RNASEH2B: variants seen among roughly 807,000 people sequenced by gnomAD.
RNASEH2B encodes the protein Aicardi-Goutieres syndrome 2 protein.
RNASEH2B carries 36 observed loss-of-function variants against 45.0 expected under a neutral mutation model. The observed-to-expected ratio is 0.80, with a 90% confidence interval of 0.61 to 1.06. The LOEUF is 1.06. Ranked by LOEUF, RNASEH2B falls within the 50% of genes least tolerant of loss-of-function variation. The probability of loss-of-function intolerance (pLI) is 0.00; values close to 1 mark genes in which losing one functional copy is unlikely to be tolerated. For missense variants in RNASEH2B, 361 were observed against 360.3 expected, an observed-to-expected ratio of 1.00 and a Z score of -0.02; for synonymous variants, 119 against 125.7, an observed-to-expected ratio of 0.95 and a Z score of 0.35.
intron 9 of RNASEH2B, chr13:50,950,650 C>T (rs1951965256): frequency 2.0e-5 from 3 of 152,130 alleles, no homozygotes; most frequent in African/African-American, 7.2e-5. Flanking sequence ...CAGCGTGCTT[C>T]TTATTTTTCT....
intron 1 of RNASEH2B, chr13:50,915,194 C>G (rs1223801614): frequency 5.2e-6 from 2 of 381,460 alleles, no homozygotes; most frequent in East Asian, 7.5e-5. Context: ...GTCTCACATT[C>G]CATTTCTTCC....
intron 1 of RNASEH2B, among the ~76,000 whole-genome samples, chr13:50,913,750 G>T (rs1339261855): frequency 6.6e-6 from 1 of 152,194 alleles, no homozygotes; most frequent in Non-Finnish European, 1.5e-5. Flanking sequence ...CAGTTTCATG[G>T]AGGTAGAGGA....
chr13:50,968,932 G>A (rs1952191757), intron 9 of RNASEH2B, among the ~76,000 whole-genome samples: 1 of 152,164 alleles, frequency 6.6e-6, no homozygotes, highest in Admixed American at 6.5e-5. Flanking sequence ...TAAAATAATT[G>A]TTACTTTACA....
rs1566087131 is a variant in RNASEH2B, at chr13:50,945,440, T to C, written c.524T>C (p.Val175Ala). ...KWLEKKVNQT[V>A]AALKTNNVNV... ...GTTGCTTCATAGGTTAATCAAACTG[T>C]GGCAGCATTAAAAACCAATAATGTG... Residue 175 changes from valine to alanine, a missense_variant, in exon 7 of 11, where the codon GTG becomes GCG. Coordinates refer to ENST00000336617, the MANE Select transcript of RNASEH2B (RefSeq NM_024570.4). 4 of 1,612,612 alleles carry C rather than the reference T, an allele frequency of 2.5e-6. No homozygotes were observed. The South Asian group carries it at 3.3e-5, about 13-fold the overall frequency.
chr13:50,920,144 A>C (rs1951503177), intron 1 of RNASEH2B, among the ~76,000 whole-genome samples: 1 of 152,100 alleles, frequency 6.6e-6, no homozygotes, highest in South Asian at 2.1e-4. Context: ...GATTCTTATC[A>C]AGCGATTCTC....
intron 5 of RNASEH2B, chr13:50,938,785 G>A (rs1951793414): frequency 6.6e-6 from 1 of 152,198 alleles, no homozygotes; most frequent in Non-Finnish European, 1.5e-5. Flanking sequence ...CACAGGCCAT[G>A]GATTGGTACC....
rs367604928 is a variant in RNASEH2B at position 50,947,980 on chromosome 13, C to G, written c.617-7C>G. ...TTTGCTTTCACTCCTCCTTCTGTTTCTTTCAGAGGATTATATTCGTTATGC... is the reference window on the plus strand; with the variant it reads ...TTTGCTTTCACTCCTCCTTCTGTTTGTTTCAGAGGATTATATTCGTTATGC... On this transcript the variant is annotated splice_polypyrimidine_tract_variant and splice_region_variant and intron_variant, in intron 7 of 10. Transcript: ENST00000336617. The G allele has an allele frequency of 8.7e-5, 139 of 1,606,436 alleles. No individual in the cohort carries two copies. The highest frequency in any genetic ancestry group is 1.2e-4 in the Non-Finnish European group (138 of 1,177,750).
intron 4 of RNASEH2B, among the ~76,000 whole-genome samples, chr13:50,933,017 T>A (rs1213072297): frequency 6.6e-6 from 1 of 152,192 alleles, no homozygotes; most frequent in Non-Finnish European, 1.5e-5. Context: ...TGATGGCCGG[T>A]ATAACGAGGG....
intron 8 of RNASEH2B, 119 bp downstream of exon 8, chr13:50,948,187 T>C: frequency 6.6e-7 from 1 of 1,507,672 alleles, no homozygotes; most frequent in South Asian, 1.2e-5. Flanking sequence ...ATTCTTCAGC[T>C]ATGTCATATA....
chr13:50,968,595 A>G (rs1039884923), intron 9 of RNASEH2B, among the ~76,000 whole-genome samples: 1 of 152,178 alleles, frequency 6.6e-6, no homozygotes, highest in Admixed American at 6.5e-5. Context: ...ATGACCATTT[A>G]GCCTTAAATA....
chr13:50,954,105 C>T, intron 10 of RNASEH2B, 120 bp downstream of exon 10: 1 of 724,686 alleles, frequency 1.4e-6, no homozygotes, highest in Non-Finnish European at 2.5e-6. Context: ...GAATTATTAA[C>T]TTGCATTTCT....
rs145261309 is a variant in RNASEH2B, at chr13:50,963,104, A to T, written c.742-6828A>T. Among the ~76,000 whole-genome samples, 819 of 151,822 alleles carry T rather than the reference A, an allele frequency of 5.4e-3. 11 individuals are homozygous for T. Among genetic ancestry groups the T allele is most frequent in the Middle Eastern group, 0.014 (4 of 294 alleles). On this transcript the variant is annotated intron_variant, in intron 9 of 9. Coordinates refer to the RNASEH2B transcript ENST00000422660. ...CTTCAAGTTTACTTTGATTTATAGC[A>T]TTTCATCTTCTGTTAACCTTAGTTA...
chr13:50,967,454 T>G (rs948999547), intron 9 of RNASEH2B, among the ~76,000 whole-genome samples: 1 of 152,224 alleles, frequency 6.6e-6, no homozygotes, highest in African/African-American at 2.4e-5. Context: ...AACTTTGACA[T>G]GAATTTATGT....
intron 5 of RNASEH2B, among the ~76,000 whole-genome samples, chr13:50,939,335 T>C (rs566795768): frequency 1.8e-4 from 26 of 140,936 alleles, no homozygotes; most frequent in South Asian, 1.7e-3. Context: ...CCAGCCTGGG[T>C]GACAGAGCGA....
intron 9 of RNASEH2B, among the ~76,000 whole-genome samples, chr13:50,965,216 A>C (rs566646323): frequency 9.2e-5 from 14 of 152,196 alleles, no homozygotes; most frequent in Non-Finnish European, 2.1e-4. Flanking sequence ...AGTACTTACT[A>C]TTGTTTTACA....
intron 9 of RNASEH2B, among the ~76,000 whole-genome samples, chr13:50,967,785 T>C (rs895173089): frequency 6.6e-6 from 1 of 152,222 alleles, no homozygotes; most frequent in Non-Finnish European, 1.5e-5. Context: ...TATTACATAT[T>C]TTCTCCCAAA....
downstream of RNASEH2B, among the ~76,000 whole-genome samples, chr13:50,959,173 G>A (rs913905064): frequency 3.3e-5 from 5 of 151,978 alleles, no homozygotes; most frequent in African/African-American, 1.2e-4. Flanking sequence ...TAAATTATTA[G>A]AGTATCAATA....
At position 50,929,460 on chromosome 13, in the gene RNASEH2B, G is replaced by T. The variant is rs1406636563; in HGVS notation, c.137-15G>T. ...TGTGAAAACTTACAAATAAAAGACAGATTTGTCTTAACAGGAGAAGGAGCC... is the reference window on the plus strand; with the variant it reads ...TGTGAAAACTTACAAATAAAAGACATATTTGTCTTAACAGGAGAAGGAGCC... On this transcript the variant is annotated splice_polypyrimidine_tract_variant and intron_variant, in intron 2 of 10. Transcript: ENST00000336617. 7 of 1,536,734 alleles carry T rather than the reference G, an allele frequency of 4.6e-6. No homozygotes were observed. In the East Asian group the frequency reaches 9.0e-5, roughly 20 times the overall value.
At chr13:50,943,120 G>A in intron 5 of RNASEH2B, 3 of 499,194 alleles carry the variant, frequency 6.0e-6, no homozygotes, top group Non-Finnish European at 1.1e-5. Context: ...TACTCATTTA[G>A]TGGTTGATGA....
Sources: gnomAD v4.1 joint callset for allele counts (sites outside exome capture counted in the v4.1 genomes callset) on GRCh38, gnomAD v4.1.1 for gene constraint, MANE v1.5 for transcripts, NCBI Gene and HGNC (gene_info 2026-07-23, HGNC 2026-07-21) for gene names.